The following OLFML2B variants were observed in gnomAD, a reference collection of about 807,000 sequenced individuals.
OLFML2B encodes olfactomedin like 2B, also known as olfactomedin-like protein 2B.
Under a neutral mutation model 74.9 loss-of-function variants are expected in OLFML2B, and 57 were observed. That is an observed-to-expected ratio of 0.76 (90% confidence interval 0.61 to 0.95). The LOEUF is 0.95. Among genes scored for constraint, OLFML2B ranks in the 40% least tolerant of loss-of-function variants. The pLI is 0.00. For missense variants in OLFML2B, 986 were observed against 970.6 expected (o/e 1.02, Z -0.21); for synonymous variants, 388 against 405.8 (o/e 0.96, Z 0.53).
chr1:162,022,260 T>TTTTTTTTTTTTTTTTTTTTC (rs1460566719), intron 1 of OLFML2B, among the ~76,000 whole-genome samples: 17 of 127,884 alleles, frequency 1.3e-4, no homozygotes, highest in African/African-American at 3.8e-4. Context: ...TTTTTTTTTT[T>TTTTTTTTTTTTTTTTTTTTC]TTTTTTTTGA....
In OLFML2B at chr1:162,020,151, A is replaced by G. The variant is rs760118434; in HGVS notation, c.206T>C (p.Met69Thr). The change falls in exon 2 of 8, where the codon ATG becomes ACG. Residue 69 changes from methionine to threonine, a missense_variant. Coordinates refer to ENST00000294794, the MANE Select transcript of OLFML2B (RefSeq NM_015441.3). Reference protein sequence around the residue: ...LLGDYDKVKAMSEGSDCQCKC... With the variant: ...LLGDYDKVKATSEGSDCQCKC... Reference sequence around the variant, plus strand: ...GCACTGACAGTCCGAGCCCTCAGACATAGCCTTGACCTTGTCATAGTCCCC... The same window carrying G: ...GCACTGACAGTCCGAGCCCTCAGACGTAGCCTTGACCTTGTCATAGTCCCC... 6.2e-7 allele frequency: 1 copy of G among 1,614,188 alleles called. No individual in the cohort carries two copies. Among genetic ancestry groups the G allele is most frequent in the Non-Finnish European group, 8.5e-7 (1 of 1,180,026 alleles).
At position 162,006,308 on chromosome 1, in the gene OLFML2B, C is replaced by T. The variant is rs779770482; in HGVS notation, c.712G>A (p.Ala238Thr). Residue 238 changes from alanine (A) to threonine (T), a missense_variant, in exon 4 of 8, where the codon GCC becomes ACC. By Grantham distance (58) the Ala-to-Thr change is moderately conservative (BLOSUM62 0). Transcript: ENST00000294794. Reference protein sequence around the residue: ...ALQRDAAAAYAHPEYEERFLQ... With the variant: ...ALQRDAAAAYTHPEYEERFLQ... ...GGCTGGGGCTATACCTCTGGGTGGG[C>T]GTAGGCTGCTGCTGCATCCCTCTGC... 49 of 1,591,348 alleles carry T rather than the reference C, an allele frequency of 3.1e-5. No individual in the cohort carries two copies. Among genetic ancestry groups the T allele is most frequent in the African/African-American group, 5.5e-5 (4 of 73,296 alleles).
chr1:162,023,614 T>G lies in OLFML2B; in HGVS notation c.-184A>C. ...CGCCCCAGAGACTCTGGGCATCTCC[T>G]TCCCGACGCGAGCAGCCCTCGACTG... is the stretch of plus-strand genomic sequence containing the variant. On this transcript the variant is annotated 5_prime_UTR_variant, in exon 1 of 8. Transcript: ENST00000294794. The G allele has an allele frequency of 4.3e-6, 2 of 468,922 alleles. No individual in the cohort carries two copies. The highest frequency in any genetic ancestry group is 3.6e-6 in the Non-Finnish European group (1 of 276,072). The allele number at this position is 468,922 out of a possible 1,614,324, so 29.0% of individuals were successfully genotyped here. A position where few individuals can be genotyped will look rare whatever the true frequency, so the allele number is the denominator to read the frequency against.
At chr1:161,994,798 G>T (rs188414161) in intron 6 of OLFML2B, among the ~76,000 whole-genome samples, 3 of 143,250 alleles carry the variant, frequency 2.1e-5, no homozygotes, top group East Asian at 2.0e-4. Flanking sequence ...GATTTTTTTT[G>T]AACATTTTAT....
In OLFML2B at chr1:161,984,797, C is replaced by G. The variant is rs144987949; in HGVS notation, c.1651+7G>C. 1.1e-3 allele frequency: 1,792 copies of G among 1,612,908 alleles called. 22 individuals are homozygous for G. In the African/African-American group the frequency reaches 0.018, roughly 16 times the overall value. ...GGAGCAGTCTGGGTTGGATCTTTATCATGTACCTTGTTTGAAGTTCTCCAG... is the reference window on the plus strand; with the variant it reads ...GGAGCAGTCTGGGTTGGATCTTTATGATGTACCTTGTTTGAAGTTCTCCAG... On this transcript the variant is annotated splice_region_variant and intron_variant, in intron 7 of 7. Transcript: ENST00000294794.
chr1:162,006,585 T>C, intron 3 of OLFML2B, 112 bp from the exon 4 acceptor site: 1 of 841,472 alleles, frequency 1.2e-6, no homozygotes, highest in Non-Finnish European at 1.8e-6. Context: ...GGCTGAGAAA[T>C]CATCCAACAA....
In OLFML2B at chr1:162,020,139, G is replaced by A. The variant is rs747590965; in HGVS notation, c.218C>T (p.Ser73Leu). The change falls in exon 2 of 8, where the codon TCG becomes TTG. Residue 73 changes from serine to leucine, a missense_variant. Physicochemically the swap from Ser to Leu is moderately radical, Grantham distance 145. Transcript: ENST00000294794. ...CACCACACACTTGCACTGACAGTCC[G>A]AGCCCTCAGACATAGCCTTGACCTT... ...YDKVKAMSEG[S>L]DCQCKCVVRP... 5.0e-6 allele frequency: 8 copies of A among 1,614,068 alleles called. 1 individual carries two copies. The highest frequency in any genetic ancestry group is 2.2e-5 in the South Asian group (2 of 91,086).
Position 161,983,535 on chromosome 1 carries a change from G to T in OLFML2B, c.*140C>A. On this transcript the variant is annotated 3_prime_UTR_variant, in exon 8 of 8. Transcript: ENST00000294794. ...CCATATAAAAAAATAGACCCAAATT[G>T]TCATTTTACATTTGCAATATTATAC... 1.1e-6 allele frequency: 1 copy of T among 945,226 alleles called. No individual in the cohort carries two copies. Among genetic ancestry groups the T allele is most frequent in the African/African-American group, 1.7e-5 (1 of 60,076 alleles). 58.6% of individuals were successfully genotyped at this position (945,226 alleles called of 1,614,324 possible).
Position 161,983,562 on chromosome 1 carries a change from AAAT to A in OLFML2B, c.*110_*112del, listed in dbSNP as rs1689485088. 1 of 1,180,372 alleles carries A rather than the reference AAAT, an allele frequency of 8.5e-7. No homozygotes were observed. Among genetic ancestry groups the A allele is most frequent in the South Asian group, 1.6e-5 (1 of 61,074 alleles). The allele number at this position is 1,180,372 out of a possible 1,614,324, so 73.1% of individuals were successfully genotyped here. Reference sequence around the variant, plus strand: ...CATTTTACATTTGCAATATTATACAAAATAATATATATTTTTAAACAACACATA... The same window carrying A: ...CATTTTACATTTGCAATATTATACAAAATATATATTTTTAAACAACACATA... On this transcript the variant is annotated 3_prime_UTR_variant, in exon 8 of 8. Transcript: ENST00000294794.
At chr1:161,998,697 C>T (rs942558795) in intron 5 of OLFML2B, among the ~76,000 whole-genome samples, 1 of 152,120 alleles carries the variant, frequency 6.6e-6, no homozygotes, top group African/African-American at 2.4e-5. Context: ...TGGATAACAA[C>T]AGCAAGCAAA....
chr1:161,996,267 G>A (rs796821999), intron 6 of OLFML2B, among the ~76,000 whole-genome samples: 7 of 152,338 alleles, frequency 4.6e-5, no homozygotes, highest in African/African-American at 1.7e-4. Flanking sequence ...GACAGAGAGA[G>A]AGGCACATAC....
intron 4 of OLFML2B, among the ~76,000 whole-genome samples, chr1:162,003,303 G>A (rs534452565): frequency 2.0e-5 from 3 of 152,342 alleles, no homozygotes; most frequent in African/African-American, 4.8e-5. Context: ...GCCACAGCCC[G>A]TGACTCAGAC....
chr1:161,990,311 A>G (rs1689699389), intron 6 of OLFML2B, among the ~76,000 whole-genome samples: 1 of 152,268 alleles, frequency 6.6e-6, no homozygotes, highest in Non-Finnish European at 1.5e-5. Flanking sequence ...CAATATAAAG[A>G]TGAATTGTAT....
intron 4 of OLFML2B, among the ~76,000 whole-genome samples, chr1:162,001,953 G>A (rs1290313754): frequency 6.6e-6 from 1 of 152,232 alleles, no homozygotes; most frequent in Non-Finnish European, 1.5e-5. Context: ...AGAGTGCCCT[G>A]TGACAGCTCT....
rs1689552056 is a variant in OLFML2B, at chr1:161,984,997, G to A, written c.1475-17C>T. The A allele has an allele frequency of 1.3e-6, 2 of 1,597,056 alleles. No homozygotes were observed. The highest frequency in any genetic ancestry group is 8.5e-7 in the Non-Finnish European group (1 of 1,173,060). ...TGCACCTTCCTGGTGGAGAAGAGGT[G>A]GATGGAGGTTTTGGGCTGATCTAGT... On this transcript the variant is annotated splice_polypyrimidine_tract_variant and intron_variant, in intron 6 of 7. Transcript: ENST00000294794.
rs187490497 is a variant in OLFML2B at position 161,991,462 on chromosome 1, C to T, written c.1474+6363G>A. ...TTTAAAATAATCTCCTGGCCAGGCG[C>T]GGTGGCTCACACCTGTAATCCCAGC... On this transcript the variant is annotated intron_variant, in intron 6 of 7. Transcript: ENST00000294794. Among the ~76,000 whole-genome samples the T allele has an allele frequency of 1.6e-3, 237 of 152,260 alleles. 2 individuals carry two copies. Among genetic ancestry groups the T allele is most frequent in the African/African-American group, 5.3e-3 (221 of 41,542 alleles).
intron 4 of OLFML2B, among the ~76,000 whole-genome samples, chr1:162,005,568 A>AT (rs780535755): frequency 1.2e-4 from 18 of 152,288 alleles, no homozygotes; most frequent in South Asian, 8.3e-4. Flanking sequence ...AAACTGGGGC[A>AT]TTTTTTAGAG....
chr1:162,003,278 T>C (rs906596588), intron 4 of OLFML2B, among the ~76,000 whole-genome samples: 3 of 152,226 alleles, frequency 2.0e-5, no homozygotes, highest in African/African-American at 7.2e-5. Flanking sequence ...CTCGGCAGGC[T>C]GTCAGGAGAC....
intron 2 of OLFML2B, among the ~76,000 whole-genome samples, chr1:162,019,360 C>G (rs1690634065): frequency 6.6e-6 from 1 of 152,186 alleles, no homozygotes. Flanking sequence ...CCAGCTTGTT[C>G]CACTACCCCA....
Sources: gnomAD v4.1 joint callset for allele counts (sites outside exome capture counted in the v4.1 genomes callset) on GRCh38, gnomAD v4.1.1 for gene constraint, MANE v1.5 for transcripts, NCBI Gene and HGNC (gene_info 2026-07-23, HGNC 2026-07-21) for gene names.